Variants in SIMC1 observed in about 807,000 individuals in gnomAD.
SIMC1 encodes SUMO interacting motifs containing 1, also known as SUMO-interacting motif-containing protein 1.
In SIMC1, 55 loss-of-function variants were observed where a neutral mutation model predicts 82.3. The observed-to-expected ratio is 0.67, with a 90% CI of 0.54 to 0.84. The LOEUF is 0.84. SIMC1 is among the 40% of genes least tolerant of loss of function. SIMC1 has a pLI of 0.00. For missense variants in SIMC1, 915 were observed against 1,107.2 expected, an observed-to-expected ratio of 0.83 and a Z score of 2.46; for synonymous variants, 353 against 426.3, an observed-to-expected ratio of 0.83 and a Z score of 2.12.
At chr5:176,298,810 T>C (rs922280079) in intron 4 of SIMC1, among the ~76,000 whole-genome samples, 2 of 152,046 alleles carry the variant, frequency 1.3e-5, no homozygotes, top group African/African-American at 4.8e-5. Flanking sequence ...GTAAGATATC[T>C]ATAGAATATA....
chr5:176,325,008 A>G (rs1765316278), intron 7 of SIMC1, among the ~76,000 whole-genome samples: 2 of 152,196 alleles, frequency 1.3e-5, no homozygotes, highest in South Asian at 4.1e-4. Flanking sequence ...TTTCTTGGGA[A>G]GAGGCACAGT....
At chr5:176,302,814 A>G (rs768881755) in intron 4 of SIMC1, among the ~76,000 whole-genome samples, 16 of 152,228 alleles carry the variant, frequency 1.1e-4, no homozygotes, top group Non-Finnish European at 2.4e-4. Flanking sequence ...AATATCATCA[A>G]AAAGAATAAA....
chr5:176,252,312 C>G (rs1761696255), intron 1 of SIMC1, among the ~76,000 whole-genome samples: 1 of 151,660 alleles, frequency 6.6e-6, no homozygotes, highest in Non-Finnish European at 1.5e-5. Context: ...GGCGGAGACG[C>G]TCCGGGCAGA....
intron 7 of SIMC1, 115 bp from the exon 8 acceptor site, chr5:176,336,605 T>C: frequency 7.1e-7 from 1 of 1,405,254 alleles, no homozygotes; most frequent in South Asian, 1.4e-5. Context: ...TTCCATGGTA[T>C]TCCTTCTTAA....
intron 1 of SIMC1, among the ~76,000 whole-genome samples, chr5:176,283,130 C>T (rs190639213): frequency 2.2e-3 from 335 of 152,246 alleles, no homozygotes; most frequent in Non-Finnish European, 3.6e-3. Flanking sequence ...ACTTTCCCAA[C>T]CTAGCAAGGA....
At chr5:176,325,935 A>G (rs6556262) in intron 7 of SIMC1, among the ~76,000 whole-genome samples, 111,972 of 151,982 alleles carry the variant, frequency 0.74, 41,396 homozygotes, top group Middle Eastern at 0.85. Flanking sequence ...GTTTCTCTAA[A>G]CATGAATTAG....
intron 1 of SIMC1, among the ~76,000 whole-genome samples, chr5:176,263,027 C>T (rs1163058567): frequency 1.3e-5 from 2 of 151,706 alleles, no homozygotes; most frequent in Non-Finnish European, 2.9e-5. Flanking sequence ...ATGAAACATA[C>T]ATTACCATTT....
intron 4 of SIMC1, chr5:176,308,133 A>G: frequency 1.0e-6 from 1 of 985,264 alleles, no homozygotes; most frequent in African/African-American, 1.6e-5. Flanking sequence ...GTTTGTCTCA[A>G]CCATGCTCTG....
At chr5:176,296,079 A>C (rs902059162) in intron 3 of SIMC1, 172 bp from the exon 4 acceptor site, 3 of 1,244,862 alleles carry the variant, frequency 2.4e-6, no homozygotes, top group Non-Finnish European at 3.3e-6. Context: ...GGTAGCAAAA[A>C]ACAATGAAGT....
intron 1 of SIMC1, among the ~76,000 whole-genome samples, chr5:176,285,395 T>C (rs1271088005): frequency 2.6e-5 from 4 of 152,204 alleles, no homozygotes; most frequent in African/African-American, 9.6e-5. Context: ...ACCACATGAT[T>C]ATCTCAATAG....
chr5:176,283,211 A>G (rs564972700), intron 1 of SIMC1, among the ~76,000 whole-genome samples: 211 of 152,324 alleles, frequency 1.4e-3, no homozygotes, highest in African/African-American at 4.9e-3. Flanking sequence ...CAACTCTGAG[A>G]CACATAATTG....
chr5:176,251,657 T>C (rs1409576928), intron 1 of SIMC1, among the ~76,000 whole-genome samples: 1 of 151,200 alleles, frequency 6.6e-6, no homozygotes, highest in African/African-American at 2.4e-5. Flanking sequence ...CATAGGACAA[T>C]AGTGGAGGGA....
At chr5:176,253,440 C>CT (rs1491184733) in intron 1 of SIMC1, among the ~76,000 whole-genome samples, 1 of 152,132 alleles carries the variant, frequency 6.6e-6, no homozygotes. Flanking sequence ...TCTCGAACTC[C>CT]TGACCTCCAG....
At chr5:176,312,681 A>C (rs1231624251) in intron 4 of SIMC1, among the ~76,000 whole-genome samples, 1 of 152,200 alleles carries the variant, frequency 6.6e-6, no homozygotes. Flanking sequence ...GAAAGAAATG[A>C]TATGTATTCA....
chr5:176,334,270 T>C (rs6556265), intron 7 of SIMC1, among the ~76,000 whole-genome samples: 150,192 of 152,294 alleles, frequency 0.99, 74,095 homozygotes, highest in Middle Eastern at 1. Flanking sequence ...CTCTCTTTCT[T>C]TAAAGAGTAT....
At chr5:176,293,036 T>C (rs1366648299) in intron 2 of SIMC1, among the ~76,000 whole-genome samples, 1 of 152,232 alleles carries the variant, frequency 6.6e-6, no homozygotes, top group Non-Finnish European at 1.5e-5. Context: ...TTCTGCCATT[T>C]GTTGTATGAC....
In SIMC1 at chr5:176,336,802, C is replaced by T. The variant is rs1490777562; in HGVS notation, c.2254C>T (p.Pro752Ser). 6.2e-7 allele frequency: 1 copy of T among 1,614,030 alleles called. No homozygotes were observed. The highest frequency in any genetic ancestry group is 1.7e-5 in the Admixed American group (1 of 60,024). Residue 752 changes from proline to serine, a missense_variant, in exon 8 of 10, where the codon CCC becomes TCC. Physicochemically the swap from Pro to Ser is moderately conservative, Grantham distance 74 (BLOSUM62 -1). Transcript: ENST00000429602. ...CATATTCCTCCACAGCTGTGAGACA[C>T]CCACCCGCCTGCCTCTGTCTCTGGC... ...EIIFLHSCET[P>S]TRLPLSLAQA... is the part of the protein sequence containing the mutation.
intron 4 of SIMC1, among the ~76,000 whole-genome samples, chr5:176,312,863 A>G (rs1764726291): frequency 6.6e-6 from 1 of 152,196 alleles, no homozygotes; most frequent in Admixed American, 6.5e-5. Context: ...CTTGTCTGGT[A>G]GTAAAGGGAA....
chr5:176,291,583 G>A (rs1315282579), intron 2 of SIMC1, among the ~76,000 whole-genome samples: 2 of 152,054 alleles, frequency 1.3e-5, no homozygotes, highest in East Asian at 1.9e-4. Flanking sequence ...TGATCCACCC[G>A]CCTCGGCCTC....
Sources: allele counts gnomAD v4.1 joint callset (sites outside exome capture counted in the v4.1 genomes callset), GRCh38; gene constraint gnomAD v4.1.1; transcripts MANE v1.5; gene names NCBI Gene and HGNC (gene_info 2026-07-23, HGNC 2026-07-21).